GLIS3: variants seen among roughly 807,000 people sequenced by gnomAD.
The protein encoded by GLIS3 is GLIS family zinc finger 3.
GLIS3 carries 53 observed loss-of-function variants against 78.6 expected under a neutral mutation model. That is an observed-to-expected ratio of 0.67 (90% CI 0.54 to 0.85). The LOEUF (loss-of-function observed/expected upper bound fraction) is 0.85, where lower values mean the gene tolerates loss of function less well. GLIS3 is among the 40% of genes least tolerant of loss of function. The pLI is 0.00. For missense variants in GLIS3, 1,703 were observed against 1,231.1 expected (o/e 1.38, Z -5.74); for synonymous variants, 684 against 509.9 (o/e 1.34, Z -4.60).
At chr9:4,316,288 C>T (rs1196562558) in intron 2 of GLIS3, among the ~76,000 whole-genome samples, 1 of 152,248 alleles carries the variant, frequency 6.6e-6, no homozygotes, top group Non-Finnish European at 1.5e-5. Context: ...AACCCCTTCA[C>T]AGATTCTCCC....
At chr9:4,166,858 C>T (rs1815890939) in intron 2 of GLIS3, among the ~76,000 whole-genome samples, 1 of 152,200 alleles carries the variant, frequency 6.6e-6, no homozygotes, top group Non-Finnish European at 1.5e-5. Flanking sequence ...CCAAGTCTTC[C>T]TCCTCTTTCC....
intron 2 of GLIS3, among the ~76,000 whole-genome samples, chr9:4,321,970 C>G (rs1399688938): frequency 1.3e-5 from 2 of 152,092 alleles, no homozygotes; most frequent in East Asian, 3.8e-4. Flanking sequence ...TGTTGGTGAG[C>G]TGCACCCATT....
the GLIS3 span, among the ~76,000 whole-genome samples, chr9:4,399,296 T>C: frequency 2.8e-4 from 42 of 152,334 alleles, no homozygotes; most frequent in Admixed American, 2.0e-3. Flanking sequence ...CAACTTGGGG[T>C]AAATAGTGAT....
the GLIS3 span, among the ~76,000 whole-genome samples, chr9:4,471,416 C>G: frequency 6.6e-6 from 1 of 152,066 alleles, no homozygotes; most frequent in African/African-American, 2.4e-5. Context: ...AGATATAGAC[C>G]AATGGAACAG....
chr9:4,221,118 G>A (rs1378404041), intron 2 of GLIS3, among the ~76,000 whole-genome samples: 2 of 152,070 alleles, frequency 1.3e-5, no homozygotes, highest in East Asian at 1.9e-4. Flanking sequence ...GAGGTTGTAA[G>A]ACAAAATGCC....
At chr9:4,303,073 G>A (rs1442053801), upstream of GLIS3, among the ~76,000 whole-genome samples, 1 of 152,142 alleles carries the variant, frequency 6.6e-6, no homozygotes, top group Non-Finnish European at 1.5e-5. Context: ...GGAACATCCT[G>A]ACAGCAAAAC....
At chr9:4,348,343 GAGGTTATCT>G (rs760806738) in exon 1 of GLIS3, 42,467 of 152,164 alleles carry the variant, frequency 0.28, 6,817 homozygotes, top group Non-Finnish European at 0.35. Context: ...ACAGCTTTCT[GAGGTTATCT>G]CACGATCCAA....
At chr9:3,989,601 T>A (rs913064341) in intron 4 of GLIS3, among the ~76,000 whole-genome samples, 2 of 152,126 alleles carry the variant, frequency 1.3e-5, no homozygotes, top group Non-Finnish European at 2.9e-5. Flanking sequence ...CTCCAGTGAA[T>A]TTAGCTGAGT....
At chr9:3,869,434 C>G (rs1820832775) in intron 8 of GLIS3, among the ~76,000 whole-genome samples, 1 of 152,118 alleles carries the variant, frequency 6.6e-6, no homozygotes, top group Non-Finnish European at 1.5e-5. Context: ...GAGTGTCAGG[C>G]ACTAGTATTC....
At position 4,279,297 on chromosome 9, in the gene GLIS3, CAAAAAA is replaced by C. The variant is rs56734583; in HGVS notation, c.388+6735_388+6740del. Among the ~76,000 whole-genome samples the C allele has an allele frequency of 4.3e-5, 4 of 92,026 alleles. 1 individual carries two copies. 60.4% of individuals were successfully genotyped at this position (92,026 alleles called of 152,430 possible). Reference sequence around the variant, plus strand: ...TGGGCAACAGAGCAAGACTCCATCTCAAAAAAAAAAAAAAAAAATATATATATACAC... The same window carrying C: ...TGGGCAACAGAGCAAGACTCCATCTCAAAAAAAAAAAATATATATATACAC... On this transcript the variant is annotated intron_variant, in intron 2 of 10. Transcript: ENST00000381971.
chr9:4,217,592 C>A (rs1049942660), intron 2 of GLIS3, among the ~76,000 whole-genome samples: 5 of 152,128 alleles, frequency 3.3e-5, no homozygotes. Context: ...CCTCAGCTCC[C>A]CACAGTTATT....
intron 2 of GLIS3, among the ~76,000 whole-genome samples, chr9:4,167,444 A>T (rs2131112283): frequency 6.6e-6 from 1 of 152,322 alleles, no homozygotes; most frequent in South Asian, 2.1e-4. Context: ...GATTTCACAT[A>T]TATCCTCACA....
At chr9:3,890,969 C>A (rs1164904141) in intron 7 of GLIS3, among the ~76,000 whole-genome samples, 1 of 146,392 alleles carries the variant, frequency 6.8e-6, no homozygotes, top group African/African-American at 2.5e-5. Flanking sequence ...TAGTGGAATA[C>A]AAAATGTAAA....
At chr9:4,463,047 A>G in the GLIS3 span, among the ~76,000 whole-genome samples, 1 of 152,222 alleles carries the variant, frequency 6.6e-6, no homozygotes, top group Non-Finnish European at 1.5e-5. Context: ...GGAGATTTAC[A>G]AAGGCAGAGA....
At chr9:4,201,929 C>T (rs1434090521) in intron 2 of GLIS3, among the ~76,000 whole-genome samples, 2 of 151,966 alleles carry the variant, frequency 1.3e-5, no homozygotes, top group East Asian at 1.9e-4. Context: ...TGAAGTCAGG[C>T]GTTCGAGACC....
rs367897283 is a variant in GLIS3, at chr9:3,843,487, C to A, written c.2473+12522G>T. 3.9e-5 allele frequency among the ~76,000 whole-genome samples: 6 copies of A among 152,236 alleles called. No homozygotes were observed. In the South Asian group the frequency reaches 1.2e-3, roughly 32 times the overall value. ...GAAAGTGGATGTTGTATTTGGGAAA[C>A]CTGACATACATCACTGGATCCCGGG... On this transcript the variant is annotated intron_variant, in intron 9 of 10. Transcript: ENST00000381971.
chr9:4,472,573 C>A, the GLIS3 span, among the ~76,000 whole-genome samples: 1 of 135,802 alleles, frequency 7.4e-6, no homozygotes, highest in South Asian at 2.2e-4. Flanking sequence ...CACTTGGACA[C>A]AGGGTGGGGA....
the GLIS3 span, among the ~76,000 whole-genome samples, chr9:4,452,828 G>A: frequency 6.6e-6 from 1 of 151,214 alleles, no homozygotes; most frequent in East Asian, 1.9e-4. Flanking sequence ...ATTTCATATG[G>A]AACCAAAAAA....
chr9:3,912,963 T>C (rs1824251146), intron 6 of GLIS3, among the ~76,000 whole-genome samples: 1 of 152,190 alleles, frequency 6.6e-6, no homozygotes, highest in South Asian at 2.1e-4. Flanking sequence ...ACACATTCCA[T>C]CCCATCCATT....
Sources: allele counts gnomAD v4.1 joint callset (sites outside exome capture counted in the v4.1 genomes callset), GRCh38; gene constraint gnomAD v4.1.1; transcripts MANE v1.5; gene names NCBI Gene and HGNC (gene_info 2026-07-23, HGNC 2026-07-21).